The following SHOX variants were observed in gnomAD, a reference collection of about 807,000 sequenced individuals.
The protein encoded by SHOX is short stature homeobox protein.
SHOX carries 12 observed loss-of-function variants against 29.6 expected under a neutral mutation model. The ratio of observed to expected loss-of-function variants is 0.41; its 90% CI spans 0.26 to 0.66. The LOEUF is 0.66. Among genes scored for constraint, SHOX ranks in the 30% least tolerant of loss-of-function variants. SHOX has a pLI of 0.35. For missense variants in SHOX, 499 were observed against 437.7 expected (o/e 1.14, Z -1.25); for synonymous variants, 214 against 200.6 (o/e 1.07, Z -0.57).
intron 1 of SHOX, among the ~76,000 whole-genome samples, chrX:624,909 CCTTTCTTT>C (rs201032866): frequency 1.8e-4 from 7 of 38,896 alleles, no homozygotes; most frequent in African/African-American, 3.4e-4. Context: ...TTTCTCTCTT[CCTTTCTTT>C]CTTTCTTTCT....
chrX:637,816 G>A (rs1039796217), intron 2 of SHOX, among the ~76,000 whole-genome samples: 15 of 152,096 alleles, frequency 9.9e-5, no homozygotes, highest in African/African-American at 2.9e-4. Flanking sequence ...TGCTGTGACC[G>A]GATAGAGTTT....
Position 642,934 on chromosome X carries a change from T to C in SHOX, c.634-1457T>C, listed in dbSNP as rs188106060. Among the ~76,000 whole-genome samples, 218 of 133,122 alleles carry C rather than the reference T, an allele frequency of 1.6e-3. 1 individual carries two copies. In the Middle Eastern group the frequency reaches 0.052, roughly 32 times the overall value. The allele number at this position is 133,122 out of a possible 152,430, so 87.3% of individuals were successfully genotyped here. A position where few individuals can be genotyped will look rare whatever the true frequency, so the allele number is the denominator to read the frequency against. On this transcript the variant is annotated intron_variant, in intron 4 of 4. Transcript: ENST00000686671. The stretch of plus-strand genomic sequence containing the variant: ...GGAGAGGCTTGGGGACCTGGTGACC[T>C]TGGAGAGGCTTGGAGACCTGGTGTT...
At chrX:655,570 C>G (rs1000262983), downstream of SHOX, among the ~76,000 whole-genome samples, 16 of 74,804 alleles carry the variant, frequency 2.1e-4, no homozygotes, top group Non-Finnish European at 3.7e-4. Context: ...CTCTCTCTGT[C>G]TCTCTCTCTC....
chrX:630,352 T>C, upstream of SHOX: 1 of 156,312 alleles, frequency 6.4e-6, no homozygotes. Flanking sequence ...GGGCGCTTCC[T>C]GGAAAGATCC....
At position 644,598 on chromosome X, in the gene SHOX, C is replaced by T; in HGVS notation, c.841C>T (p.Leu281Phe). The T allele has an allele frequency of 2.0e-6, 3 of 1,511,542 alleles. No individual in the cohort carries two copies. The highest frequency in any genetic ancestry group is 2.6e-6 in the Non-Finnish European group (3 of 1,136,886). The allele number at this position is 1,511,542 out of a possible 1,614,324, so 93.6% of individuals were successfully genotyped here. A position where few individuals can be genotyped will look rare whatever the true frequency, so the allele number is the denominator to read the frequency against. ...GAATTCCAGCATCGCCGACCTGCGG[C>T]TCAAGGCGCGGAAGCACGCGGAGGC... ...SKNSSIADLR[L>F]KARKHAEALG... The change falls in exon 5 of 5, where the codon CTC becomes TTC. Residue 281 changes from leucine (L) to phenylalanine (F), a missense_variant. Leu to Phe is a conservative substitution (Grantham distance 22). Coordinates refer to ENST00000686671, the MANE Select transcript of SHOX (RefSeq NM_000451.4).
At position 650,792 on chromosome X, in the gene SHOX, T is replaced by TAAAAAAAAAAAAAAA. The variant is rs1041655715; in HGVS notation, c.*6169_*6183dup. 1.6e-4 allele frequency among the ~76,000 whole-genome samples: 8 copies of TAAAAAAAAAAAAAAA among 50,822 alleles called. No homozygotes were observed. Among genetic ancestry groups the TAAAAAAAAAAAAAAA allele is most frequent in the Non-Finnish European group, 2.2e-4 (6 of 27,060 alleles). The allele number at this position is 50,822 out of a possible 152,430, so 33.3% of individuals were successfully genotyped here. A position where few individuals can be genotyped will look rare whatever the true frequency, so the allele number is the denominator to read the frequency against. ...GGCTTTCGGTGGACACGTTTGACAT[T>TAAAAAAAAAAAAAAA]AAAAAAAAAAAAAAAAAAAAAAAAA... On this transcript the variant is annotated 3_prime_UTR_variant, in exon 5 of 5. Coordinates refer to ENST00000686671, the MANE Select transcript of SHOX (RefSeq NM_000451.4).
intron 1 of SHOX, among the ~76,000 whole-genome samples, 192 bp from the exon 2 acceptor site, chrX:634,426 T>G (rs746789690): frequency 6.6e-6 from 1 of 152,346 alleles, no homozygotes; most frequent in East Asian, 1.9e-4. Flanking sequence ...ACAACGCTCG[T>G]GCAAAGCCCA....
rs2052712369 is a variant in SHOX at position 634,729 on chromosome X, A to C, written c.389A>C (p.Asn130Thr). ...ACCAACTTCACGCTGGAGCAGCTGA[A>C]CGAGCTCGAGCGACTCTTCGACGAG... ...SRTNFTLEQL[N>T]ELERLFDETH... The change falls in exon 2 of 5, where the codon AAC becomes ACC. Residue 130 changes from asparagine to threonine, a missense_variant. Physicochemically the swap from Asn to Thr is moderately conservative, Grantham distance 65 (BLOSUM62 0). Transcript: ENST00000686671. 6.2e-7 allele frequency: 1 copy of C among 1,613,392 alleles called. No individual in the cohort carries two copies. Among genetic ancestry groups the C allele is most frequent in the East Asian group, 2.2e-5 (1 of 44,866 alleles).
intron 1 of SHOX, among the ~76,000 whole-genome samples, chrX:634,371 T>G (rs1381099455): frequency 6.7e-6 from 1 of 149,036 alleles, no homozygotes; most frequent in Non-Finnish European, 1.5e-5. Context: ...TCAACAGAGG[T>G]GAAGTGGATA....
At chrX:624,901 T>C (rs1439854328) in intron 1 of SHOX, among the ~76,000 whole-genome samples, 2 of 56,890 alleles carry the variant, frequency 3.5e-5, no homozygotes, top group African/African-American at 7.3e-5. Flanking sequence ...TTTCTTTCTT[T>C]CTCTCTTCCT....
intron 1 of SHOX, among the ~76,000 whole-genome samples, chrX:632,613 C>G (rs1338646735): frequency 6.6e-6 from 1 of 152,152 alleles, no homozygotes; most frequent in Admixed American, 6.5e-5. Flanking sequence ...CCCTTGTATT[C>G]GTAGGAGGCA....
upstream of SHOX, among the ~76,000 whole-genome samples, chrX:629,627 T>G (rs1223447811): frequency 2.1e-4 from 32 of 152,066 alleles, no homozygotes; most frequent in Non-Finnish European, 4.0e-4. Flanking sequence ...CCGTCACTCA[T>G]GTCCCCCCAC....
chrX:634,965 C>T (rs1037549577), intron 2 of SHOX, 139 bp downstream of exon 2: 1 of 863,514 alleles, frequency 1.2e-6, no homozygotes, highest in Admixed American at 2.7e-5. Context: ...GAGGGACGGG[C>T]TGGGGTTCCT....
upstream of SHOX, among the ~76,000 whole-genome samples, chrX:626,427 TC>T (rs2052535719): frequency 1.6e-5 from 2 of 121,402 alleles, no homozygotes; most frequent in Admixed American, 8.1e-5. Context: ...CTCTCTGTCT[TC>T]GTTCCTCTCT....
intron 2 of SHOX, among the ~76,000 whole-genome samples, chrX:636,432 T>C (rs1210413296): frequency 3.4e-4 from 45 of 132,178 alleles, no homozygotes; most frequent in African/African-American, 1.3e-3. Context: ...TAAAAATATA[T>C]ATAAACATAT....
At position 624,386 on chromosome X, in the gene SHOX, CT is replaced by C. The variant is rs55872554; in HGVS notation, c.-636del. On this transcript the variant is annotated 5_prime_UTR_variant, in exon 1 of 6. Transcript: ENST00000334060. The stretch of plus-strand genomic sequence containing the variant: ...GTCCTGAGAACAGGGGCTCCCCACA[CT>C]TTTTTTTTTTTTGGTTTTGTTTTAT... 27,054 of 130,856 alleles carry C rather than the reference CT, an allele frequency of 0.21. 2,616 individuals are homozygous for C. The highest frequency in any genetic ancestry group is 0.27 in the South Asian group (1,170 of 4,284). 8.1% of individuals were successfully genotyped at this position (130,856 alleles called of 1,614,324 possible). A position where few individuals can be genotyped will look rare whatever the true frequency, so the allele number is the denominator to read the frequency against.
chrX:642,932 C>T (rs942549331), intron 4 of SHOX, among the ~76,000 whole-genome samples: 2 of 146,112 alleles, frequency 1.4e-5, no homozygotes, highest in Admixed American at 6.8e-5. Flanking sequence ...GACCTGGTGA[C>T]CTTGGAGAGG....
In SHOX at chrX:651,106, A is replaced by ATTT. The variant is rs112268799; in HGVS notation, c.*6477_*6479dup. The ATTT allele has an allele frequency of 1.8e-3, 611 of 336,374 alleles. No individual in the cohort carries two copies. Among genetic ancestry groups the ATTT allele is most frequent in the African/African-American group, 0.012 (570 of 46,130 alleles). The allele number at this position is 336,374 out of a possible 1,614,324, so 20.8% of individuals were successfully genotyped here. On this transcript the variant is annotated 3_prime_UTR_variant, in exon 5 of 5. Coordinates refer to ENST00000686671, the MANE Select transcript of SHOX (RefSeq NM_000451.4). ...TGTGATGTATGTGCATTTGTTATTT[A>ATTT]TTTTTTTTTCCTTGGTCGGACGTTC... is the stretch of plus-strand genomic sequence containing the variant.
downstream of SHOX, among the ~76,000 whole-genome samples, chrX:651,979 G>A (rs1172384325): frequency 4.6e-5 from 7 of 152,022 alleles, no homozygotes; most frequent in Non-Finnish European, 8.8e-5. Context: ...GAGGAGTGCA[G>A]GGGCGCGATC....
Sources: gnomAD v4.1 joint callset for allele counts (sites outside exome capture counted in the v4.1 genomes callset) on GRCh38, gnomAD v4.1.1 for gene constraint, MANE v1.5 for transcripts, NCBI Gene and HGNC (gene_info 2026-07-23, HGNC 2026-07-21) for gene names.